The following GPSM2 variants were observed in gnomAD, a reference collection of about 807,000 sequenced individuals.
GPSM2 encodes the protein G protein-signaling modulator 2.
GPSM2 carries 58 observed loss-of-function variants against 78.4 expected under a neutral mutation model. The observed-to-expected ratio is 0.74, with a 90% CI of 0.60 to 0.92. The LOEUF is 0.92. GPSM2 is among the 40% of genes least tolerant of loss of function. The pLI is 0.00. For missense variants in GPSM2, 700 were observed against 815.5 expected (o/e 0.86, Z 1.73); for synonymous variants, 224 against 280.2 (o/e 0.80, Z 2.00).
rs191894046 is a variant in GPSM2, at chr1:108,885,733, T to C, written c.56+155T>C. On this transcript the variant is annotated intron_variant, in intron 2 of 14. Coordinates refer to ENST00000264126, the MANE Select transcript of GPSM2 (RefSeq NM_013296.5). ...ATTTTCTTTTTGTTGTAAGTTTTCC[T>C]TTCTGTAAGAAAATGATAGTAGAGA... 3.7e-3 allele frequency among the ~76,000 whole-genome samples: 564 copies of C among 152,310 alleles called. 4 individuals are homozygous for C. Among genetic ancestry groups the C allele is most frequent in the African/African-American group, 0.013 (542 of 41,580 alleles).
chr1:108,890,501 A>C (rs1003713130), intron 2 of GPSM2, among the ~76,000 whole-genome samples: 5 of 152,196 alleles, frequency 3.3e-5, no homozygotes, highest in Non-Finnish European at 7.4e-5. Context: ...AAACTTAAAA[A>C]TCTGTACTGT....
chr1:108,933,467 T>C lies in GPSM2; in HGVS notation c.*3527T>C, dbSNP rs1277322052. On this transcript the variant is annotated 3_prime_UTR_variant, in exon 15 of 15. Coordinates refer to ENST00000264126, the MANE Select transcript of GPSM2 (RefSeq NM_013296.5). ...CTAAAATTACATTGTTACAGGCACG[T>C]AAGTAACACTTCCTGGATCCAAAAA... 1.3e-5 allele frequency: 2 copies of C among 150,978 alleles called. No individual in the cohort carries two copies. Among genetic ancestry groups the C allele is most frequent in the African/African-American group, 4.9e-5 (2 of 40,574 alleles). The allele number at this position is 150,978 out of a possible 1,614,324, so 9.4% of individuals were successfully genotyped here.
chr1:108,904,088 T>C (rs1445205944), intron 9 of GPSM2, 37 bp from the exon 10 acceptor site: 1 of 1,461,618 alleles, frequency 6.8e-7, no homozygotes, highest in South Asian at 1.1e-5. Context: ...TCTTTCTCTT[T>C]AAATACTACT....
chr1:108,907,241 A>G (rs1400049812), intron 10 of GPSM2, among the ~76,000 whole-genome samples: 1 of 152,238 alleles, frequency 6.6e-6, no homozygotes, highest in Non-Finnish European at 1.5e-5. Context: ...GGTAGAAAAA[A>G]GGAGCCTTCG....
rs367914389 is a variant in GPSM2, at chr1:108,930,890, CA to C, written c.*964del. On this transcript the variant is annotated 3_prime_UTR_variant, in exon 15 of 15. Coordinates refer to ENST00000264126, the MANE Select transcript of GPSM2 (RefSeq NM_013296.5). ...TGAGTGACAGAGCAAGACTCTGTCT[CA>C]AAAAAAAAAAAAACAGCAAGCATGC... The C allele has an allele frequency of 2.7e-3, 347 of 128,554 alleles. 2 individuals carry two copies. The highest frequency in any genetic ancestry group is 0.016 in the South Asian group (64 of 3,956). 8.0% of individuals were successfully genotyped at this position (128,554 alleles called of 1,614,324 possible). A position where few individuals can be genotyped will look rare whatever the true frequency, so the allele number is the denominator to read the frequency against.
intron 13 of GPSM2, 119 bp downstream of exon 13, chr1:108,922,695 T>C (rs887679376): frequency 2.3e-6 from 2 of 882,678 alleles, no homozygotes; most frequent in East Asian, 4.9e-5. Flanking sequence ...AATTCAGGTA[T>C]ATCTGAAATG....
In GPSM2 at chr1:108,900,620, C is replaced by A. The variant is rs568479931; in HGVS notation, c.798-1170C>A. Among the ~76,000 whole-genome samples the A allele has an allele frequency of 2.0e-5, 3 of 152,274 alleles. No homozygotes were observed. In the East Asian group the frequency reaches 5.8e-4, roughly 29 times the overall value. ...GGATACAAAGCAGTAGTTTGGTAAA[C>A]CTATGTTAGTAATTGAATTTGGTTC... On this transcript the variant is annotated intron_variant, in intron 7 of 14. Transcript: ENST00000264126.
chr1:108,905,971 G>A (rs1296311536), intron 10 of GPSM2, among the ~76,000 whole-genome samples: 1 of 152,048 alleles, frequency 6.6e-6, no homozygotes, highest in Non-Finnish European at 1.5e-5. Flanking sequence ...CAGTTACTTG[G>A]CTTTTATATT....
intron 14 of GPSM2, chr1:108,929,452 C>A: frequency 3.9e-6 from 2 of 519,294 alleles, no homozygotes; most frequent in Admixed American, 3.3e-5. Context: ...CGTACTAAAC[C>A]AATGAAGCAG....
intron 14 of GPSM2, 95 bp from the exon 15 acceptor site, chr1:108,929,606 A>T (rs538348012): frequency 6.6e-5 from 75 of 1,141,508 alleles, no homozygotes; most frequent in Non-Finnish European, 9.0e-5. Context: ...ATAAAAGTTT[A>T]CAACTGCGTT....
chr1:108,913,993 G>A (rs1649978466), intron 10 of GPSM2, among the ~76,000 whole-genome samples: 1 of 152,046 alleles, frequency 6.6e-6, no homozygotes, highest in African/African-American at 2.4e-5. Context: ...CTGTTATAAG[G>A]AATAAACTGC....
intron 13 of GPSM2, among the ~76,000 whole-genome samples, chr1:108,922,910 G>A (rs910414384): frequency 2.0e-5 from 3 of 152,116 alleles, no homozygotes; most frequent in African/African-American, 7.2e-5. Context: ...TGGGAGGATC[G>A]CTTGAGGTCA....
chr1:108,899,062 G>A, intron 7 of GPSM2, 68 bp downstream of exon 7: 1 of 958,408 alleles, frequency 1.0e-6, no homozygotes, highest in Non-Finnish European at 1.7e-6. Flanking sequence ...TAGGCTTTAG[G>A]TTTAAAATCT....
Position 108,877,070 on chromosome 1 carries a change from AG to A in GPSM2, c.-406del, listed in dbSNP as rs1394038879. 2 of 152,144 alleles carry A rather than the reference AG, an allele frequency of 1.3e-5. No individual in the cohort carries two copies. The highest frequency in any genetic ancestry group is 4.8e-5 in the African/African-American group (2 of 41,402). The allele number at this position is 152,144 out of a possible 1,614,324, so 9.4% of individuals were successfully genotyped here. A position where few individuals can be genotyped will look rare whatever the true frequency, so the allele number is the denominator to read the frequency against. On this transcript the variant is annotated 5_prime_UTR_variant, in exon 1 of 15. Coordinates refer to ENST00000264126, the MANE Select transcript of GPSM2 (RefSeq NM_013296.5). ...CTCCGGGAAAGCGAGGGGCGCTACG[AG>A]CTCTGGCCCACGTGACCTGCCGGGG...
chr1:108,881,577 AAGAATTGCTTGTTTGTTC>A (rs1432975298), intron 1 of GPSM2, among the ~76,000 whole-genome samples: 5 of 152,234 alleles, frequency 3.3e-5, no homozygotes, highest in Non-Finnish European at 5.9e-5. Context: ...ATCATGAATC[AAGAATTGCTTGTTTGTTC>A]AGTGAATATT....
At chr1:108,922,865 C>T (rs988819638) in intron 13 of GPSM2, among the ~76,000 whole-genome samples, 1 of 152,012 alleles carries the variant, frequency 6.6e-6, no homozygotes, top group Non-Finnish European at 1.5e-5. Context: ...TGTGGTGGTG[C>T]ATGCCTGTAA....
chr1:108,890,277 C>T (rs1647878718), intron 2 of GPSM2, among the ~76,000 whole-genome samples: 1 of 152,178 alleles, frequency 6.6e-6, no homozygotes, highest in Non-Finnish European at 1.5e-5. Context: ...TTGTCTGGCA[C>T]ATATTGAACT....
At chr1:108,908,740 C>CACACACACACACACACACACACA (rs1553213496) in intron 10 of GPSM2, among the ~76,000 whole-genome samples, 1 of 151,948 alleles carries the variant, frequency 6.6e-6, no homozygotes, top group African/African-American at 2.4e-5. Context: ...CACACACACG[C>CACACACACACACACACACACACA]CGGGGCAGTG....
chr1:108,904,288 T>A (rs542705920), intron 10 of GPSM2, 34 bp downstream of exon 10: 6 of 1,302,454 alleles, frequency 4.6e-6, no homozygotes, highest in Admixed American at 3.4e-5. Context: ...CCAATTTTTT[T>A]ATCCTCAATA....
Sources: gnomAD v4.1 joint callset for allele counts (sites outside exome capture counted in the v4.1 genomes callset) on GRCh38, gnomAD v4.1.1 for gene constraint, MANE v1.5 for transcripts, NCBI Gene and HGNC (gene_info 2026-07-23, HGNC 2026-07-21) for gene names.